The following KPNA3 variants were observed in gnomAD, a reference collection of about 807,000 sequenced individuals.
The protein encoded by KPNA3 is importin subunit alpha-4.
A neutral mutation model predicts 73.8 loss-of-function variants in KPNA3; 13 were observed. That is an observed-to-expected ratio of 0.18 (90% CI 0.11 to 0.28). The LOEUF (loss-of-function observed/expected upper bound fraction) is 0.28, where lower values mean the gene tolerates loss of function less well. KPNA3 is among the 10% of genes least tolerant of loss of function. The probability of loss-of-function intolerance (pLI) is 1.00; values close to 1 mark genes in which losing one functional copy is unlikely to be tolerated. For synonymous variants in KPNA3, 186 were observed against 206.9 expected (o/e 0.90, Z 0.87); for missense variants, 360 against 618.1 (o/e 0.58, Z 4.43).
At chr13:49,724,389 C>T (rs1030405746) in intron 7 of KPNA3, among the ~76,000 whole-genome samples, 2 of 151,160 alleles carry the variant, frequency 1.3e-5, no homozygotes, top group Non-Finnish European at 3.0e-5. Flanking sequence ...CTGCAAGCTC[C>T]GCCTCCCGGG....
At chr13:49,710,152 C>T (rs981916778) in intron 11 of KPNA3, among the ~76,000 whole-genome samples, 2 of 152,180 alleles carry the variant, frequency 1.3e-5, no homozygotes, top group Non-Finnish European at 2.9e-5. Context: ...ATCCCAGCTA[C>T]TCTGAAGGCT....
intron 6 of KPNA3, among the ~76,000 whole-genome samples, chr13:49,726,079 A>G (rs529801293): frequency 1.3e-5 from 2 of 152,332 alleles, no homozygotes; most frequent in South Asian, 4.1e-4. Flanking sequence ...GACACATCTA[A>G]TCAATATATC....
At chr13:49,766,423 G>A (rs529338770) in intron 1 of KPNA3, among the ~76,000 whole-genome samples, 53 of 152,166 alleles carry the variant, frequency 3.5e-4, no homozygotes, top group African/African-American at 1.1e-3. Flanking sequence ...TAAGACTGAC[G>A]TTTTTGGTGT....
chr13:49,787,021 A>C (rs1241278158), intron 1 of KPNA3, among the ~76,000 whole-genome samples: 1 of 152,160 alleles, frequency 6.6e-6, no homozygotes, highest in Non-Finnish European at 1.5e-5. Flanking sequence ...AACTAATACA[A>C]AGAAGGGTGA....
At chr13:49,771,072 G>A (rs1249686325) in intron 1 of KPNA3, among the ~76,000 whole-genome samples, 2 of 145,260 alleles carry the variant, frequency 1.4e-5, no homozygotes, top group Admixed American at 7.0e-5. Context: ...GTTATTCAGG[G>A]TCCTTTGCAA....
chr13:49,744,186 A>T (rs1275802701), intron 2 of KPNA3, among the ~76,000 whole-genome samples: 2 of 152,096 alleles, frequency 1.3e-5, no homozygotes, highest in Non-Finnish European at 2.9e-5. Context: ...CGACGTGTGG[A>T]CTTTTTGTAT....
intron 9 of KPNA3, among the ~76,000 whole-genome samples, chr13:49,720,149 T>C (rs1214882384): frequency 1.3e-5 from 2 of 152,184 alleles, no homozygotes; most frequent in Non-Finnish European, 2.9e-5. Flanking sequence ...AAAATGGAGA[T>C]GCAAATATAC....
intron 1 of KPNA3, among the ~76,000 whole-genome samples, chr13:49,759,812 C>G (rs1219619862): frequency 6.6e-6 from 1 of 152,200 alleles, no homozygotes; most frequent in Non-Finnish European, 1.5e-5. Context: ...AGCCCAGTTC[C>G]TAATGGGCCA....
chr13:49,703,069 T>C lies in KPNA3; in HGVS notation c.1373-589A>G, dbSNP rs1334875637. Among the ~76,000 whole-genome samples, 7 of 151,758 alleles carry C rather than the reference T, an allele frequency of 4.6e-5. No homozygotes were observed. The South Asian group carries it at 8.3e-4, about 18-fold the overall frequency. ...ATTTTTAGCAGAGACGGGGTTTCACTATGTTAGCCAGGATGATCTTGATCT... is the reference window on the plus strand; with the variant it reads ...ATTTTTAGCAGAGACGGGGTTTCACCATGTTAGCCAGGATGATCTTGATCT... On this transcript the variant is annotated intron_variant, in intron 15 of 16. Transcript: ENST00000261667.
chr13:49,765,537 A>G (rs147884045), intron 1 of KPNA3, among the ~76,000 whole-genome samples: 89 of 152,260 alleles, frequency 5.8e-4, no homozygotes, highest in African/African-American at 2.0e-3. Context: ...AGGTCTCACT[A>G]TATTGCCCAA....
intron 10 of KPNA3, among the ~76,000 whole-genome samples, chr13:49,715,699 C>CA (rs1954298184): frequency 6.6e-6 from 1 of 152,184 alleles, no homozygotes; most frequent in Non-Finnish European, 1.5e-5. Context: ...GATACCAAGG[C>CA]AAAATGGCAC....
intron 8 of KPNA3, 58 bp downstream of exon 8, chr13:49,722,419 C>A: frequency 1.7e-6 from 2 of 1,147,420 alleles, no homozygotes; most frequent in South Asian, 1.4e-5. Context: ...AATGGCTATG[C>A]CAATGTAGGA....
In KPNA3 at chr13:49,711,016, C is replaced by A; in HGVS notation, c.778G>T (p.Val260Leu). Residue 260 changes from valine (V) to leucine (L), a missense_variant, in exon 11 of 17, where the codon GTA (valine) becomes TTA (leucine). Around this residue, in one of 3 missense-constraint regions of KPNA3, gnomAD observed 287 missense variants for 549.1 expected, o/e 0.52. Transcript: ENST00000261667. ...LIYHTDINIL[V>L]DTVWALSYLT... ...TATGACAGAGCCCAAACAGTGTCTACAAGAATCTACAGGAAACACAAAAGA... is the reference window on the plus strand; with the variant it reads ...TATGACAGAGCCCAAACAGTGTCTAAAAGAATCTACAGGAAACACAAAAGA... 6.2e-7 allele frequency: 1 copy of A among 1,602,178 alleles called. No homozygotes were observed. Among genetic ancestry groups the A allele is most frequent in the Non-Finnish European group, 8.5e-7 (1 of 1,176,678 alleles).
chr13:49,733,646 T>C (rs183897432), intron 2 of KPNA3, among the ~76,000 whole-genome samples: 1 of 152,174 alleles, frequency 6.6e-6, no homozygotes, highest in African/African-American at 2.4e-5. Flanking sequence ...ATGGCAGTAA[T>C]TCCCCTTCCC....
intron 10 of KPNA3, 111 bp downstream of exon 10, chr13:49,719,664 A>C: frequency 1.3e-6 from 1 of 772,294 alleles, no homozygotes; most frequent in Non-Finnish European, 2.2e-6. Context: ...AAAACTGTAA[A>C]TACGTTGTAG....
rs145346159 is a variant in KPNA3, at chr13:49,718,180, T to C, written c.771+1595A>G. The stretch of plus-strand genomic sequence containing the variant: ...TAAAATAGAAGAATAAAACTTATCT[T>C]ACAAGGATACTGGTAAGATAAAAGG... On this transcript the variant is annotated intron_variant, in intron 10 of 16. Coordinates refer to ENST00000261667, the MANE Select transcript of KPNA3 (RefSeq NM_002267.4). Among the ~76,000 whole-genome samples the C allele has an allele frequency of 6.0e-3, 912 of 152,188 alleles. 6 individuals carry two copies. The highest frequency in any genetic ancestry group is 0.017 in the South Asian group (84 of 4,824).
chr13:49,723,210 C>A lies in KPNA3; in HGVS notation c.470-647G>T, dbSNP rs928532811. Among the ~76,000 whole-genome samples the A allele has an allele frequency of 5.9e-5, 9 of 152,120 alleles. No individual in the cohort carries two copies. In the South Asian group the frequency reaches 6.2e-4, roughly 11 times the overall value. On this transcript the variant is annotated intron_variant, in intron 7 of 16. Coordinates refer to ENST00000261667, the MANE Select transcript of KPNA3 (RefSeq NM_002267.4). Reference sequence around the variant, plus strand: ...TACATTTAAGTGTGTAATTCAATGACATTTCATATTTATACAGAGTTGTGA... The same window carrying A: ...TACATTTAAGTGTGTAATTCAATGAAATTTCATATTTATACAGAGTTGTGA...
intron 10 of KPNA3, among the ~76,000 whole-genome samples, chr13:49,717,753 G>A (rs1954318868): frequency 1.3e-5 from 2 of 152,188 alleles, no homozygotes; most frequent in South Asian, 4.1e-4. Flanking sequence ...GCTTAAAACA[G>A]TGCCTGGCAG....
At chr13:49,719,324 T>C (rs558704357) in intron 10 of KPNA3, among the ~76,000 whole-genome samples, 6 of 152,234 alleles carry the variant, frequency 3.9e-5, no homozygotes, top group African/African-American at 1.4e-4. Context: ...AGACTTTAAT[T>C]TGAATATTGA....
Sources: gnomAD v4.1 joint callset for allele counts (sites outside exome capture counted in the v4.1 genomes callset) on GRCh38, gnomAD v4.1.1 for gene constraint, gnomAD v4.1.1 regional missense constraint, MANE v1.5 for transcripts, NCBI Gene and HGNC (gene_info 2026-07-23, HGNC 2026-07-21) for gene names.